CDH6: variants seen among roughly 807,000 people sequenced by gnomAD.
CDH6 encodes the protein cadherin-6.
CDH6 carries 31 observed loss-of-function variants against 78.0 expected under a neutral mutation model. That is an observed-to-expected ratio of 0.40 (90% CI 0.30 to 0.54). The LOEUF (loss-of-function observed/expected upper bound fraction) is 0.54. Ranked by LOEUF, CDH6 falls within the 20% of genes least tolerant of loss-of-function variation. CDH6 has a pLI of 0.56. For missense variants in CDH6, 724 were observed against 975.9 expected, an observed-to-expected ratio of 0.74 and a Z score of 3.44; for synonymous variants, 376 against 368.8, an observed-to-expected ratio of 1.02 and a Z score of -0.23.
intron 1 of CDH6, chr5:31,249,935 C>T (rs757724390): frequency 3.9e-5 from 6 of 152,274 alleles, no homozygotes; most frequent in Non-Finnish European, 8.8e-5. Context: ...CCCTACAAGG[C>T]TAGTTTGAAC....
intron 1 of CDH6, among the ~76,000 whole-genome samples, chr5:31,253,500 G>T (rs1193419943): frequency 6.6e-6 from 1 of 152,038 alleles, no homozygotes; most frequent in East Asian, 1.9e-4. Context: ...ACCCAGTCTT[G>T]GGTATGTCTT....
chr5:31,269,339 G>C, intron 2 of CDH6, among the ~76,000 whole-genome samples: 1 of 151,202 alleles, frequency 6.6e-6, no homozygotes, highest in East Asian at 1.9e-4. Context: ...AACCTCGTAA[G>C]AATCAGTTTT....
chr5:31,302,848 GAAAGAGAA>G (rs1292092805), intron 6 of CDH6, among the ~76,000 whole-genome samples: 73 of 131,604 alleles, frequency 5.5e-4, no homozygotes, highest in African/African-American at 2.0e-3. Flanking sequence ...AAGAAAGAAA[GAAAGAGAA>G]AGAAAGGAAG....
At chr5:31,241,890 A>G (rs983447989) in intron 1 of CDH6, among the ~76,000 whole-genome samples, 1 of 152,224 alleles carries the variant, frequency 6.6e-6, no homozygotes, top group Non-Finnish European at 1.5e-5. Context: ...AGTCTATGCC[A>G]TAGAGTTGTT....
rs1458543539 is a variant in CDH6, at chr5:31,297,517, T to C, written c.643+109T>C. 9 of 743,478 alleles carry C rather than the reference T, an allele frequency of 1.2e-5. No homozygotes were observed. In the East Asian group the frequency reaches 2.2e-4, roughly 18 times the overall value. 46.1% of individuals were successfully genotyped at this position (743,478 alleles called of 1,614,324 possible). On this transcript the variant is annotated intron_variant, in intron 4 of 11. Transcript: ENST00000265071. Reference sequence around the variant, plus strand: ...ATCAATGTGATTGGATTTTCTTGCATACATCCACCAAACACTAATGATATA... The same window carrying C: ...ATCAATGTGATTGGATTTTCTTGCACACATCCACCAAACACTAATGATATA...
At chr5:31,203,152 A>C (rs1740406166) in intron 1 of CDH6, among the ~76,000 whole-genome samples, 1 of 151,966 alleles carries the variant, frequency 6.6e-6, no homozygotes, top group Non-Finnish European at 1.5e-5. Flanking sequence ...CTTGTGATAA[A>C]TATCAGTTCC....
intron 1 of CDH6, among the ~76,000 whole-genome samples, chr5:31,227,473 C>A (rs752165771): frequency 1.3e-5 from 2 of 152,122 alleles, no homozygotes; most frequent in African/African-American, 4.8e-5. Flanking sequence ...AAGTTATTTG[C>A]TTTATAGTTT....
At chr5:31,273,198 G>T (rs971959399) in intron 2 of CDH6, among the ~76,000 whole-genome samples, 3 of 152,184 alleles carry the variant, frequency 2.0e-5, no homozygotes, top group African/African-American at 7.2e-5. Flanking sequence ...TTACTTAAAA[G>T]ATGCCATCGT....
intron 5 of CDH6, 78 bp from the exon 6 acceptor site, chr5:31,302,033 A>C: frequency 3.3e-6 from 3 of 917,652 alleles, no homozygotes; most frequent in Non-Finnish European, 4.9e-6. Context: ...AAGAACTGTT[A>C]GAGAATAGGT....
intron 1 of CDH6, among the ~76,000 whole-genome samples, chr5:31,204,821 A>G (rs1740469058): frequency 1.3e-5 from 2 of 152,182 alleles, no homozygotes; most frequent in African/African-American, 4.8e-5. Context: ...TTTGGACTGC[A>G]TGTTAAACTC....
At chr5:31,321,928 T>C (rs983731256) in intron 11 of CDH6, among the ~76,000 whole-genome samples, 2 of 152,144 alleles carry the variant, frequency 1.3e-5, no homozygotes, top group Admixed American at 1.3e-4. Context: ...GATAGATGTG[T>C]CTCTCTACAA....
intron 4 of CDH6, 131 bp downstream of exon 4, chr5:31,297,539 T>C (rs1737643927): frequency 4.6e-6 from 3 of 646,928 alleles, no homozygotes; most frequent in Non-Finnish European, 5.1e-6. Context: ...ACACTAATGA[T>C]ATATTTGTAA....
At chr5:31,219,227 C>A (rs767754531) in intron 1 of CDH6, among the ~76,000 whole-genome samples, 13 of 152,146 alleles carry the variant, frequency 8.5e-5, no homozygotes, top group Non-Finnish European at 1.6e-4. Context: ...TAAAGTCCTA[C>A]AAGATAAGCC....
At chr5:31,278,403 A>T (rs1742760860) in intron 2 of CDH6, among the ~76,000 whole-genome samples, 1 of 152,202 alleles carries the variant, frequency 6.6e-6, no homozygotes, top group Admixed American at 6.5e-5. Flanking sequence ...TAACAAGAAA[A>T]ATAAGAAAAG....
chr5:31,291,057 C>A (rs1743145030), intron 2 of CDH6, among the ~76,000 whole-genome samples: 1 of 152,046 alleles, frequency 6.6e-6, no homozygotes, highest in South Asian at 2.1e-4. Context: ...AATCTTGTGA[C>A]CAGATGTGGA....
intron 6 of CDH6, among the ~76,000 whole-genome samples, chr5:31,304,315 CA>C (rs960247278): frequency 6.6e-6 from 1 of 152,110 alleles, no homozygotes; most frequent in African/African-American, 2.4e-5. Flanking sequence ...TATTAATCTG[CA>C]CGCCCAGATA....
intron 1 of CDH6, among the ~76,000 whole-genome samples, chr5:31,215,677 G>C (rs572302056): frequency 1.3e-5 from 2 of 152,016 alleles, no homozygotes; most frequent in Non-Finnish European, 2.9e-5. Flanking sequence ...TCAAGTCTAA[G>C]AGCCAAAGCC....
intron 7 of CDH6, among the ~76,000 whole-genome samples, chr5:31,305,905 C>G (rs1452762168): frequency 1.3e-5 from 2 of 151,940 alleles, no homozygotes; most frequent in East Asian, 3.9e-4. Flanking sequence ...ATTTGCAGAA[C>G]CTGTGGATAC....
At chr5:31,247,839 G>A (rs1741795723) in intron 1 of CDH6, among the ~76,000 whole-genome samples, 1 of 152,116 alleles carries the variant, frequency 6.6e-6, no homozygotes, top group Admixed American at 6.5e-5. Context: ...ATAAAGTGTG[G>A]CTGACTCTAA....
Sources: gnomAD v4.1 joint callset for allele counts (sites outside exome capture counted in the v4.1 genomes callset) on GRCh38, gnomAD v4.1.1 for gene constraint, MANE v1.5 for transcripts, NCBI Gene and HGNC (gene_info 2026-07-23, HGNC 2026-07-21) for gene names.